The following LTBP1 variants were observed in gnomAD, a reference collection of about 807,000 sequenced individuals.
The protein encoded by LTBP1 is latent-transforming growth factor beta-binding protein 1.
In LTBP1, 129 loss-of-function variants were observed where a neutral mutation model predicts 207.6. The observed-to-expected ratio is 0.62, with a 90% CI of 0.54 to 0.72. The LOEUF (loss-of-function observed/expected upper bound fraction) is 0.72, where lower values mean the gene tolerates loss of function less well. LTBP1 is among the 30% of genes least tolerant of loss of function. The pLI, the probability that LTBP1 is intolerant of heterozygous loss-of-function variation, is 0.00. For missense variants in LTBP1, 2,281 were observed against 2,217.2 expected (o/e 1.03, Z -0.58); for synonymous variants, 963 against 833.7 (o/e 1.16, Z -2.67).
intron 23 of LTBP1, among the ~76,000 whole-genome samples, chr2:33,311,529 G>C (rs1362059385): frequency 9.0e-6 from 1 of 110,586 alleles, no homozygotes; most frequent in Admixed American, 9.5e-5. Context: ...AAAATACCAA[G>C]AGATGGAAAA....
At chr2:33,358,488 A>T (rs935307600) in intron 26 of LTBP1, among the ~76,000 whole-genome samples, 3 of 151,758 alleles carry the variant, frequency 2.0e-5, no homozygotes, top group African/African-American at 4.8e-5. Context: ...CATGCTTTGG[A>T]CTCGAGAAGC....
intron 2 of LTBP1, 89 bp from the exon 3 acceptor site, chr2:33,020,818 AAC>A: frequency 4.6e-6 from 6 of 1,296,900 alleles, no homozygotes; most frequent in Non-Finnish European, 6.3e-6. Context: ...TTGGAGAACA[AAC>A]AACCTGATGC....
intron 9 of LTBP1, among the ~76,000 whole-genome samples, chr2:33,239,901 C>CA (rs1558868343): frequency 6.6e-5 from 7 of 106,270 alleles, no homozygotes; most frequent in Non-Finnish European, 1.2e-4. Context: ...AAGACTCCAT[C>CA]TTAAATAAAT....
chr2:33,107,213 G>A (rs2080115091), intron 3 of LTBP1, among the ~76,000 whole-genome samples: 1 of 152,226 alleles, frequency 6.6e-6, no homozygotes, highest in Non-Finnish European at 1.5e-5. Context: ...ATTTGTTTTA[G>A]TTATACCAAA....
At chr2:32,948,844 T>G (rs1485664203) in intron 1 of LTBP1, 31 bp from the exon 2 acceptor site, 1 of 1,608,008 alleles carries the variant, frequency 6.2e-7, no homozygotes, top group Middle Eastern at 1.7e-4. Flanking sequence ...GTCTTTCTGC[T>G]GCTGGACTCA....
chr2:33,265,736 A>G (rs2093158376), intron 15 of LTBP1, among the ~76,000 whole-genome samples: 1 of 152,026 alleles, frequency 6.6e-6, no homozygotes, highest in Non-Finnish European at 1.5e-5. Flanking sequence ...GTTTTATTTT[A>G]GATTTTTTTA....
intron 11 of LTBP1, among the ~76,000 whole-genome samples, chr2:33,254,083 CG>C (rs2092760115): frequency 6.6e-6 from 1 of 151,730 alleles, no homozygotes; most frequent in Admixed American, 6.6e-5. Flanking sequence ...TTAGTAGAGA[CG>C]GAGTTTGACT....
intron 20 of LTBP1, among the ~76,000 whole-genome samples, chr2:33,296,573 C>T (rs1403087587): frequency 6.6e-6 from 1 of 152,094 alleles, no homozygotes. Context: ...CTCAAAGTAG[C>T]ACATGTTGAA....
At chr2:33,083,724 T>G (rs1343051743) in intron 3 of LTBP1, among the ~76,000 whole-genome samples, 1 of 152,186 alleles carries the variant, frequency 6.6e-6, no homozygotes, top group African/African-American at 2.4e-5. Context: ...CTTACTTATA[T>G]GTTACCTTAA....
At chr2:33,171,706 C>G (rs2148440676) in intron 5 of LTBP1, among the ~76,000 whole-genome samples, 1 of 152,110 alleles carries the variant, frequency 6.6e-6, no homozygotes, top group South Asian at 2.1e-4. Flanking sequence ...ACATAATTGT[C>G]AGATTCACCA....
At chr2:33,212,237 C>T (rs2090364761) in intron 7 of LTBP1, among the ~76,000 whole-genome samples, 1 of 152,108 alleles carries the variant, frequency 6.6e-6, no homozygotes, top group Admixed American at 6.5e-5. Flanking sequence ...GAATCATGAC[C>T]AGTGCACTGC....
chr2:32,953,372 C>CT (rs1248769289), intron 2 of LTBP1, among the ~76,000 whole-genome samples: 1 of 152,150 alleles, frequency 6.6e-6, no homozygotes, highest in Non-Finnish European at 1.5e-5. Context: ...TGTATGCCTG[C>CT]TATGGCCATT....
chr2:33,356,786 A>C (rs1035747040), intron 26 of LTBP1, among the ~76,000 whole-genome samples: 1 of 152,254 alleles, frequency 6.6e-6, no homozygotes, highest in Non-Finnish European at 1.5e-5. Flanking sequence ...TTAAAACATT[A>C]ATGCCTGTAG....
intron 31 of LTBP1, among the ~76,000 whole-genome samples, chr2:33,380,639 C>T (rs2095202173): frequency 6.6e-6 from 1 of 152,114 alleles, no homozygotes; most frequent in Non-Finnish European, 1.5e-5. Context: ...TCGAGATCAT[C>T]TAGTCTTATT....
chr2:33,227,776 T>C (rs2091525371), intron 9 of LTBP1, among the ~76,000 whole-genome samples: 1 of 151,612 alleles, frequency 6.6e-6, no homozygotes, highest in Non-Finnish European at 1.5e-5. Flanking sequence ...AGGGTTCATT[T>C]GTTATTGATG....
At position 33,150,710 on chromosome 2, in the gene LTBP1, C is replaced by CTTTTTTTTTTTTT. The variant is rs1176008947; in HGVS notation, c.1201+15764_1201+15776dup. On this transcript the variant is annotated intron_variant, in intron 5 of 33. Coordinates refer to ENST00000404816, the MANE Select transcript of LTBP1 (RefSeq NM_206943.4). ...CTTTTCTTTTTTCTTTTTTCTTTTT[C>CTTTTTTTTTTTTT]TTTTTTTTTTTTTTTTTTTTTTTTT... Among the ~76,000 whole-genome samples, 386 of 69,324 alleles carry CTTTTTTTTTTTTT rather than the reference C, an allele frequency of 5.6e-3. 6 individuals are homozygous for CTTTTTTTTTTTTT. Among genetic ancestry groups the CTTTTTTTTTTTTT allele is most frequent in the East Asian group, 7.4e-3 (17 of 2,302 alleles). The allele number at this position is 69,324 out of a possible 152,430, so 45.5% of individuals were successfully genotyped here. A position where few individuals can be genotyped will look rare whatever the true frequency, so the allele number is the denominator to read the frequency against.
At chr2:33,211,369 C>G (rs993691363) in intron 7 of LTBP1, among the ~76,000 whole-genome samples, 1 of 152,214 alleles carries the variant, frequency 6.6e-6, no homozygotes, top group Non-Finnish European at 1.5e-5. Flanking sequence ...TCATCCAACT[C>G]CATGTCCTGA....
At position 33,066,679 on chromosome 2, in the gene LTBP1, A is replaced by C. The variant is rs80317360; in HGVS notation, c.864-43903A>C. ...ACTTATCACAATATTTTCAACTCACAGAAATGCTGTGGTGAAAAGTTAGAA... is the reference window on the plus strand; with the variant it reads ...ACTTATCACAATATTTTCAACTCACCGAAATGCTGTGGTGAAAAGTTAGAA... On this transcript the variant is annotated intron_variant, in intron 3 of 33. Coordinates refer to ENST00000404816, the MANE Select transcript of LTBP1 (RefSeq NM_206943.4). Among the ~76,000 whole-genome samples the C allele has an allele frequency of 8.1e-3, 1,237 of 152,376 alleles. 17 individuals are homozygous for C. The highest frequency in any genetic ancestry group is 0.027 in the African/African-American group (1,142 of 41,588).
intron 7 of LTBP1, among the ~76,000 whole-genome samples, chr2:33,200,639 A>C (rs1474653417): frequency 1.3e-5 from 2 of 152,210 alleles, no homozygotes. Context: ...ATCTAATTAA[A>C]CTAAAGAGCT....
Sources: gnomAD v4.1 joint callset for allele counts (sites outside exome capture counted in the v4.1 genomes callset) on GRCh38, gnomAD v4.1.1 for gene constraint, MANE v1.5 for transcripts, NCBI Gene and HGNC (gene_info 2026-07-23, HGNC 2026-07-21) for gene names.